Variants in XPC observed in about 807,000 individuals in gnomAD.
XPC encodes XPC complex subunit, DNA damage recognition and repair factor, also known as DNA repair protein complementing XP-C cells.
XPC carries 76 observed loss-of-function variants against 95.8 expected under a neutral mutation model. The ratio of observed to expected loss-of-function variants is 0.79; its 90% CI spans 0.66 to 0.96. The LOEUF (loss-of-function observed/expected upper bound fraction) is 0.96. Ranked by LOEUF, XPC falls within the 40% of genes least tolerant of loss-of-function variation. The pLI is 0.00. For missense variants in XPC, 1,146 were observed against 1,179.8 expected, an observed-to-expected ratio of 0.97 and a Z score of 0.42; for synonymous variants, 442 against 442.1, an observed-to-expected ratio of 1.00 and a Z score of 0.00.
intron 5 of XPC, among the ~76,000 whole-genome samples, chr3:14,166,520 ACCC>A (rs905940818): frequency 4.4e-5 from 3 of 68,338 alleles, no homozygotes; most frequent in African/African-American, 1.1e-4. Context: ...CTTCACCCCC[ACCC>A]CCCAACACCT....
At chr3:14,172,325 C>T (rs1696647586) in intron 2 of XPC, among the ~76,000 whole-genome samples, 1 of 152,098 alleles carries the variant, frequency 6.6e-6, no homozygotes, top group Non-Finnish European at 1.5e-5. Context: ...AGAAGCGCTA[C>T]AGGAAGTCAG....
At chr3:14,173,092 G>C in intron 1 of XPC, 30 bp from the exon 2 acceptor site, 7 of 1,501,790 alleles carry the variant, frequency 4.7e-6, no homozygotes, top group Non-Finnish European at 6.2e-6. Flanking sequence ...ATAAGGTGAG[G>C]GGTGGAAGGA....
intron 10 of XPC, among the ~76,000 whole-genome samples, chr3:14,155,517 T>C (rs544754812): frequency 6.6e-5 from 10 of 152,176 alleles, no homozygotes; most frequent in Non-Finnish European, 1.5e-4. Context: ...TATTTCTTTT[T>C]ACTGTGGTAT....
intron 2 of XPC, among the ~76,000 whole-genome samples, chr3:14,172,497 A>C (rs139800683): frequency 6.6e-6 from 1 of 152,358 alleles, no homozygotes. Flanking sequence ...TGAGAAGCTC[A>C]GGTGGGCCGG....
At chr3:14,163,597 G>T (rs1012320397) in intron 7 of XPC, among the ~76,000 whole-genome samples, 1 of 150,018 alleles carries the variant, frequency 6.7e-6, no homozygotes, top group Non-Finnish European at 1.5e-5. Context: ...AGCAGGGACA[G>T]GGGGGTAACA....
intron 11 of XPC, among the ~76,000 whole-genome samples, chr3:14,151,085 G>A (rs548294657): frequency 5.3e-5 from 8 of 152,158 alleles, no homozygotes; most frequent in African/African-American, 1.9e-4. Flanking sequence ...GGGTGGTGGG[G>A]ATCAGAACAA....
intron 10 of XPC, among the ~76,000 whole-genome samples, chr3:14,154,902 T>C (rs901994396): frequency 7.2e-6 from 1 of 139,522 alleles, no homozygotes; most frequent in Non-Finnish European, 1.6e-5. Flanking sequence ...CAATAAAAAA[T>C]AAATCAATAA....
At position 14,148,945 on chromosome 3, in the gene XPC, C is replaced by G; in HGVS notation, c.2119G>C (p.Val707Leu). The G allele has an allele frequency of 5.0e-6, 8 of 1,614,008 alleles. No individual in the cohort carries two copies. Among genetic ancestry groups the G allele is most frequent in the Non-Finnish European group, 5.9e-6 (7 of 1,179,896 alleles). Residue 707 changes from valine to leucine, a missense_variant, in exon 12 of 16, where the codon GTG becomes CTG. Coordinates refer to ENST00000285021, the MANE Select transcript of XPC (RefSeq NM_004628.5). The part of the protein sequence containing the change: ...VRLGEVPYKM[V>L]KGFSNRARKA... Reference sequence around the variant, plus strand: ...CGAGCACGGTTAGAAAAGCCTTTCACCATCTGCACCAGAGGACACGGCCAC... The same window carrying G: ...CGAGCACGGTTAGAAAAGCCTTTCAGCATCTGCACCAGAGGACACGGCCAC...
At chr3:14,173,846 G>T (rs1559385039) in intron 1 of XPC, among the ~76,000 whole-genome samples, 1 of 151,986 alleles carries the variant, frequency 6.6e-6, no homozygotes, top group Non-Finnish European at 1.5e-5. Flanking sequence ...TCTTGAATCT[G>T]AAATAAATCT....
chr3:14,148,131 C>T (rs528436263), intron 13 of XPC, 130 bp from the exon 14 acceptor site: 101 of 738,354 alleles, frequency 1.4e-4, no homozygotes, highest in Non-Finnish European at 2.1e-4. Context: ...GCGGGTCAGC[C>T]AGTGTCCCAC....
At position 14,159,075 on chromosome 3, in the gene XPC, T is replaced by C. The variant is rs992873061; in HGVS notation, c.991-183A>G. 2.0e-5 allele frequency among the ~76,000 whole-genome samples: 3 copies of C among 152,164 alleles called. No homozygotes were observed. The South Asian group carries it at 6.2e-4, about 32-fold the overall frequency. On this transcript the variant is annotated intron_variant, in intron 8 of 15. Coordinates refer to ENST00000285021, the MANE Select transcript of XPC (RefSeq NM_004628.5). ...GGTTGTATGTATGTATTGGCTAAAA[T>C]CTGTAGCATCTTAGATAAGGCCACA... is the stretch of plus-strand genomic sequence containing the variant.
intron 10 of XPC, among the ~76,000 whole-genome samples, chr3:14,154,869 A>T (rs931792390): frequency 5.1e-3 from 117 of 23,146 alleles, no homozygotes; most frequent in South Asian, 0.04. Context: ...AATTATTATA[A>T]AAAATTTATA....
intron 7 of XPC, among the ~76,000 whole-genome samples, chr3:14,160,431 A>T (rs1232413634): frequency 6.6e-6 from 1 of 152,246 alleles, no homozygotes; most frequent in Non-Finnish European, 1.5e-5. Flanking sequence ...GGCAACAGTG[A>T]TAATGTACTC....
intron 1 of XPC, among the ~76,000 whole-genome samples, chr3:14,174,024 C>G (rs1019048879): frequency 6.6e-6 from 1 of 151,984 alleles, no homozygotes; most frequent in South Asian, 2.1e-4. Context: ...TATTTATATT[C>G]CACAAGAATA....
chr3:14,177,308 T>G (rs1459055691), intron 1 of XPC, among the ~76,000 whole-genome samples: 1 of 152,134 alleles, frequency 6.6e-6, no homozygotes, highest in South Asian at 2.1e-4. Context: ...GTGCATAGGT[T>G]ACATGGAAAC....
Position 14,170,549 on chromosome 3 carries a change from C to T in XPC, c.301G>A (p.Asp101Asn). 2.5e-6 allele frequency: 4 copies of T among 1,609,242 alleles called. No individual in the cohort carries two copies. Among genetic ancestry groups the T allele is most frequent in the Non-Finnish European group, 3.4e-6 (4 of 1,177,134 alleles). The change falls in exon 3 of 16, where the codon GAC (aspartate) becomes AAC (asparagine). Residue 101 changes from aspartate to asparagine, a missense_variant and splice_region_variant. Asp to Asn is a conservative substitution (Grantham distance 23). Coordinates refer to ENST00000285021, the MANE Select transcript of XPC (RefSeq NM_004628.5). ...EALSDGDDLR[D>N]FPSDLKKAHH... ...GCCTTCTTGAGGTCACTTGGAAAGT[C>T]CCTGTGTAAAGACCACAGGAAGGAA...
In XPC at chr3:14,147,281, T is replaced by C. The variant is rs1695478639; in HGVS notation, c.2604+9A>G. 1.9e-6 allele frequency: 3 copies of C among 1,604,904 alleles called. No individual in the cohort carries two copies. Among genetic ancestry groups the C allele is most frequent in the Middle Eastern group, 3.3e-4 (2 of 6,072 alleles). ...GAGCTTGTCTTCTCTGCAAAGAACC[T>C]GCACTGACCTTGGGCCCGTAGCGAC... On this transcript the variant is annotated intron_variant, in intron 15 of 15. Coordinates refer to ENST00000285021, the MANE Select transcript of XPC (RefSeq NM_004628.5).
At chr3:14,153,680 A>G (rs1053148347) in intron 10 of XPC, among the ~76,000 whole-genome samples, 1 of 152,222 alleles carries the variant, frequency 6.6e-6, no homozygotes, top group Non-Finnish European at 1.5e-5. Context: ...GGTATATTAA[A>G]TGCATTCTCA....
intron 2 of XPC, among the ~76,000 whole-genome samples, chr3:14,171,955 C>G (rs966371096): frequency 6.6e-6 from 1 of 152,078 alleles, no homozygotes; most frequent in African/African-American, 2.4e-5. Flanking sequence ...CTGGACTACT[C>G]TCCCATCCCA....
Sources: allele counts gnomAD v4.1 joint callset (sites outside exome capture counted in the v4.1 genomes callset), GRCh38; gene constraint gnomAD v4.1.1; transcripts MANE v1.5; gene names NCBI Gene and HGNC (gene_info 2026-07-23, HGNC 2026-07-21).